CSMD1: variants seen among roughly 807,000 people sequenced by gnomAD.
CSMD1 encodes CUB and sushi domain-containing protein 1.
A neutral mutation model predicts 417.5 loss-of-function variants in CSMD1; 213 were observed. That is an observed-to-expected ratio of 0.51 (90% CI 0.46 to 0.57). CSMD1 has a LOEUF of 0.57. Ranked by LOEUF, CSMD1 falls within the 20% of genes least tolerant of loss-of-function variation. CSMD1 has a pLI of 0.00. For synonymous variants in CSMD1, 2,862 were observed against 1,736.8 expected, an observed-to-expected ratio of 1.65 and a Z score of -16.11; for missense variants, 6,923 against 4,529.7, an observed-to-expected ratio of 1.53 and a Z score of -15.17.
intron 1 of CSMD1, among the ~76,000 whole-genome samples, chr8:4,890,588 G>A (rs1320942452): frequency 6.6e-6 from 1 of 151,334 alleles, no homozygotes; most frequent in Admixed American, 6.6e-5. Context: ...CAGGACAGGT[G>A]AGAGCGTGAC....
intron 1 of CSMD1, among the ~76,000 whole-genome samples, chr8:4,942,115 T>C (rs145712081): frequency 2.8e-4 from 43 of 152,286 alleles, no homozygotes; most frequent in African/African-American, 1.0e-3. Context: ...AATTCCTAAA[T>C]ATTCTCTTCC....
At chr8:3,493,091 C>T (rs903729805) in intron 11 of CSMD1, among the ~76,000 whole-genome samples, 17 of 151,928 alleles carry the variant, frequency 1.1e-4, no homozygotes, top group African/African-American at 3.1e-4. Context: ...GTCAGGAGTT[C>T]GAGACCAACC....
chr8:4,031,869 T>C (rs1458042759), intron 4 of CSMD1, 36 bp downstream of exon 4: 4 of 1,541,058 alleles, frequency 2.6e-6, no homozygotes, highest in Non-Finnish European at 3.5e-6. Context: ...TGCCCTGCCC[T>C]GGAGTCTGCT....
rs376262297 is a variant in CSMD1 at position 3,605,064 on chromosome 8, G to A, written c.1097+11646C>T. Among the ~76,000 whole-genome samples, 81 of 152,124 alleles carry A rather than the reference G, an allele frequency of 5.3e-4. No homozygotes were observed. In the East Asian group the frequency reaches 0.015, roughly 28 times the overall value. On this transcript the variant is annotated intron_variant, in intron 8 of 69. Coordinates refer to ENST00000635120, the MANE Select transcript of CSMD1 (RefSeq NM_033225.6). ...TGCTGGAGTGCAGTGGTGCCATCTC[G>A]GCTTACTGCAACCTCAGCCTCCCAG...
chr8:3,473,604 T>G (rs1817234319), intron 11 of CSMD1, among the ~76,000 whole-genome samples: 1 of 152,184 alleles, frequency 6.6e-6, no homozygotes, highest in East Asian at 1.9e-4. Context: ...GAAACAGGAT[T>G]TTCAAAATAA....
chr8:4,009,187 G>C (rs17330743), intron 4 of CSMD1, among the ~76,000 whole-genome samples: 28,712 of 152,118 alleles, frequency 0.19, 2,886 homozygotes, highest in South Asian at 0.32. Flanking sequence ...TATTTCTGTA[G>C]GTTGGGAAAA....
intron 1 of CSMD1, among the ~76,000 whole-genome samples, chr8:4,767,551 T>C (rs535820373): frequency 6.6e-6 from 1 of 152,280 alleles, no homozygotes; most frequent in South Asian, 2.1e-4. Flanking sequence ...TCCTGTCCTG[T>C]GTGTTCTGGG....
intron 5 of CSMD1, among the ~76,000 whole-genome samples, chr8:3,969,464 T>C (rs1812925805): frequency 6.6e-6 from 1 of 152,166 alleles, no homozygotes; most frequent in Admixed American, 6.5e-5. Flanking sequence ...TTGTTTAAGA[T>C]CCTGGTCTAT....
At chr8:3,879,355 T>C (rs1457334900) in intron 5 of CSMD1, among the ~76,000 whole-genome samples, 1 of 152,180 alleles carries the variant, frequency 6.6e-6, no homozygotes, top group Non-Finnish European at 1.5e-5. Context: ...ATTAGAATCA[T>C]CTAAGGAATC....
At chr8:4,168,315 G>A (rs377106081) in intron 3 of CSMD1, among the ~76,000 whole-genome samples, 1 of 151,836 alleles carries the variant, frequency 6.6e-6, no homozygotes, top group East Asian at 1.9e-4. Context: ...GGGCTCCCTT[G>A]AGACCAAAAG....
intron 57 of CSMD1, among the ~76,000 whole-genome samples, chr8:2,970,197 G>T (rs1409294288): frequency 6.6e-6 from 1 of 152,188 alleles, no homozygotes; most frequent in African/African-American, 2.4e-5. Context: ...TGCTGGACTA[G>T]AACTCATAGT....
intron 3 of CSMD1, among the ~76,000 whole-genome samples, chr8:4,340,640 G>A (rs1800421734): frequency 6.6e-6 from 1 of 152,080 alleles, no homozygotes; most frequent in South Asian, 2.1e-4. Context: ...TGAGCCAAGT[G>A]GAGCTTGGTC....
intron 37 of CSMD1, among the ~76,000 whole-genome samples, chr8:3,164,119 G>C (rs1165856735): frequency 1.3e-5 from 2 of 152,156 alleles, no homozygotes; most frequent in Non-Finnish European, 2.9e-5. Flanking sequence ...GAAATGGAGA[G>C]AGAGAAGTGT....
At chr8:4,007,026 G>C (rs567539523) in intron 4 of CSMD1, among the ~76,000 whole-genome samples, 1 of 151,946 alleles carries the variant, frequency 6.6e-6, no homozygotes, top group South Asian at 2.1e-4. Flanking sequence ...TTTTAGTAGA[G>C]ACGGGGTTTC....
In CSMD1 at chr8:4,391,655, A is replaced by C. The variant is rs1294719633; in HGVS notation, c.415+28298T>G. On this transcript the variant is annotated intron_variant, in intron 3 of 69. Transcript: ENST00000635120. ...ATACACTGCTGGGTTGACTGGTGAG[A>C]AGTGGGAAGACGGCTTACTTCCACT... 3.3e-5 allele frequency among the ~76,000 whole-genome samples: 5 copies of C among 151,874 alleles called. No homozygotes were observed. In the East Asian group the frequency reaches 9.7e-4, roughly 30 times the overall value.
chr8:3,246,463 T>G (rs1799886442), intron 26 of CSMD1, among the ~76,000 whole-genome samples: 1 of 152,134 alleles, frequency 6.6e-6, no homozygotes, highest in African/African-American at 2.4e-5. Flanking sequence ...TCTCTTTATT[T>G]TATTTTTTTA....
At chr8:4,879,264 G>A (rs573994749) in intron 1 of CSMD1, among the ~76,000 whole-genome samples, 1 of 152,150 alleles carries the variant, frequency 6.6e-6, no homozygotes, top group East Asian at 1.9e-4. Flanking sequence ...TGCGGAAATG[G>A]AATAGGGGAG....
intron 2 of CSMD1, among the ~76,000 whole-genome samples, chr8:4,465,710 T>C (rs1217659): frequency 1.3e-5 from 2 of 152,070 alleles, no homozygotes; most frequent in Non-Finnish European, 2.9e-5. Context: ...AGAAGAATGG[T>C]AGGAAAGGAT....
chr8:4,476,033 T>C (rs1428392078), intron 2 of CSMD1, among the ~76,000 whole-genome samples: 1 of 152,118 alleles, frequency 6.6e-6, no homozygotes, highest in African/African-American at 2.4e-5. Flanking sequence ...AAGCAATGTA[T>C]TATTTAGAAA....
Sources: gnomAD v4.1 joint callset for allele counts (sites outside exome capture counted in the v4.1 genomes callset) on GRCh38, gnomAD v4.1.1 for gene constraint, MANE v1.5 for transcripts, NCBI Gene and HGNC (gene_info 2026-07-23, HGNC 2026-07-21) for gene names.